The following MRPS9 variants were observed in gnomAD, a reference collection of about 807,000 sequenced individuals.
MRPS9 encodes the protein mitochondrial ribosomal protein S9, also known as small ribosomal subunit protein uS9m.
A neutral mutation model predicts 59.9 loss-of-function variants in MRPS9; 45 were observed. The ratio of observed to expected loss-of-function variants is 0.75; its 90% CI spans 0.59 to 0.96. The LOEUF is 0.96. Among genes scored for constraint, MRPS9 ranks in the 40% least tolerant of loss-of-function variants. The pLI, the probability that MRPS9 is intolerant of heterozygous loss-of-function variation, is 0.00. For synonymous variants in MRPS9, 171 were observed against 166.8 expected (o/e 1.03, Z -0.19); for missense variants, 473 against 481.1 (o/e 0.98, Z 0.16).
chr2:105,039,009 C>T lies in MRPS9; in HGVS notation c.135+782C>T, dbSNP rs183367894. On this transcript the variant is annotated intron_variant, in intron 1 of 10. Coordinates refer to ENST00000258455, the MANE Select transcript of MRPS9 (RefSeq NM_182640.3). ...AGGCCTTGTAAACAAATTAAATTACCTAGGGAGAGTGTACTGAGGAGTAGG... is the reference window on the plus strand; with the variant it reads ...AGGCCTTGTAAACAAATTAAATTACTTAGGGAGAGTGTACTGAGGAGTAGG... 6.1e-4 allele frequency among the ~76,000 whole-genome samples: 93 copies of T among 152,078 alleles called. 1 individual carries two copies. Among genetic ancestry groups the T allele is most frequent in the Middle Eastern group, 3.4e-3 (1 of 294 alleles).
chr2:105,042,876 A>G (rs1679525696), intron 1 of MRPS9, among the ~76,000 whole-genome samples: 1 of 152,244 alleles, frequency 6.6e-6, no homozygotes, highest in Non-Finnish European at 1.5e-5. Context: ...ATATAAAAAT[A>G]GAATAATATA....
chr2:105,058,523 A>G, intron 2 of MRPS9, among the ~76,000 whole-genome samples: 1 of 152,240 alleles, frequency 6.6e-6, no homozygotes, highest in East Asian at 1.9e-4. Context: ...TAAAAATGGA[A>G]GAAACATGTT....
rs371482172 is a variant in MRPS9, at chr2:105,038,274, A to G, written c.135+47A>G. The G allele has an allele frequency of 4.4e-6, 7 of 1,582,542 alleles. No individual in the cohort carries two copies. The African/African-American group carries it at 9.4e-5, about 21-fold the overall frequency. On this transcript the variant is annotated intron_variant, in intron 1 of 10. Coordinates refer to ENST00000258455, the MANE Select transcript of MRPS9 (RefSeq NM_182640.3). ...AGCGGCTTACCTCTGCCGCGCGAGG[A>G]TGTGGAGCCAGCGCGGACACCTTCC...
At chr2:105,060,031 A>C (rs995088697) in intron 2 of MRPS9, among the ~76,000 whole-genome samples, 1 of 151,458 alleles carries the variant, frequency 6.6e-6, no homozygotes, top group Non-Finnish European at 1.5e-5. Flanking sequence ...AAAAAAAAAA[A>C]AAAAAAAAGA....
chr2:105,038,083 C>G lies in MRPS9; in HGVS notation c.-10C>G, dbSNP rs1052058560. 6 of 1,613,322 alleles carry G rather than the reference C, an allele frequency of 3.7e-6. No individual in the cohort carries two copies. In the African/African-American group the frequency reaches 8.0e-5, roughly 22 times the overall value. On this transcript the variant is annotated 5_prime_UTR_variant, in exon 1 of 11. Coordinates refer to ENST00000258455, the MANE Select transcript of MRPS9 (RefSeq NM_182640.3). ...CTCACCCCTCCGGTCCTGGAGCTCC[C>G]ACAGCTAACATGGCGGCGCCCTGTG...
At chr2:105,071,884 A>G (rs1680122407) in intron 4 of MRPS9, among the ~76,000 whole-genome samples, 1 of 152,142 alleles carries the variant, frequency 6.6e-6, no homozygotes, top group Non-Finnish European at 1.5e-5. Context: ...CAATACTTTA[A>G]TGATGTAATT....
chr2:105,062,044 C>A (rs13396298), intron 2 of MRPS9, among the ~76,000 whole-genome samples: 2,187 of 152,240 alleles, frequency 0.014, 36 homozygotes, highest in Middle Eastern at 0.041. Context: ...GTAAGGACCT[C>A]TGAATGAATA....
intron 2 of MRPS9, among the ~76,000 whole-genome samples, chr2:105,059,626 T>G (rs2104447236): frequency 6.6e-6 from 1 of 152,226 alleles, no homozygotes; most frequent in East Asian, 1.9e-4. Context: ...AATAATAATT[T>G]TTCATGAAGG....
chr2:105,057,445 C>A (rs949948902), intron 2 of MRPS9, among the ~76,000 whole-genome samples: 1 of 151,996 alleles, frequency 6.6e-6, no homozygotes, highest in Non-Finnish European at 1.5e-5. Context: ...TCAGTTGGAA[C>A]CTTGAGCTGA....
chr2:105,070,171 A>G (rs1407717094), intron 2 of MRPS9, among the ~76,000 whole-genome samples: 1 of 152,054 alleles, frequency 6.6e-6, no homozygotes, highest in Non-Finnish European at 1.5e-5. Flanking sequence ...CTGCGTGACA[A>G]AGCATGTTGC....
At chr2:105,096,638 A>G (rs1680665556) in intron 9 of MRPS9, among the ~76,000 whole-genome samples, 1 of 152,244 alleles carries the variant, frequency 6.6e-6, no homozygotes, top group South Asian at 2.1e-4. Flanking sequence ...GGTGTCAGGG[A>G]AGTGCAAGGT....
At chr2:105,096,613 T>C (rs114639725) in intron 9 of MRPS9, among the ~76,000 whole-genome samples, 5,337 of 152,214 alleles carry the variant, frequency 0.035, 342 homozygotes, top group African/African-American at 0.12. Context: ...TTAAGAATAT[T>C]GGGAATAGGT....
At chr2:105,078,936 C>T (rs1044666286) in intron 4 of MRPS9, among the ~76,000 whole-genome samples, 2 of 152,036 alleles carry the variant, frequency 1.3e-5, no homozygotes, top group African/African-American at 2.4e-5. Context: ...GACTGGTTCA[C>T]GGGGGTGGGG....
At chr2:105,076,587 T>C (rs1336628405) in intron 4 of MRPS9, among the ~76,000 whole-genome samples, 1 of 152,226 alleles carries the variant, frequency 6.6e-6, no homozygotes, top group African/African-American at 2.4e-5. Flanking sequence ...TAACAGAGTT[T>C]GGTCAAGACT....
At chr2:105,063,928 C>T (rs867042986) in intron 2 of MRPS9, among the ~76,000 whole-genome samples, 1 of 152,002 alleles carries the variant, frequency 6.6e-6, no homozygotes, top group Non-Finnish European at 1.5e-5. Flanking sequence ...CAGACACGAC[C>T]GAGGTAAAAT....
In MRPS9 at chr2:105,077,244, C is replaced by CAAAAAAAA. The variant is rs56216293; in HGVS notation, c.410-2734_410-2727dup. On this transcript the variant is annotated intron_variant, in intron 4 of 10. Transcript: ENST00000258455. Reference sequence around the variant, plus strand: ...TGGGCAATAGAGGGAGACTCCATCTCAAAAAAAAAAAAGAAGAAGAAAAGA... The same window carrying CAAAAAAAA: ...TGGGCAATAGAGGGAGACTCCATCTCAAAAAAAAAAAAAAAAAAAAGAAGAAGAAAAGA... Among the ~76,000 whole-genome samples the CAAAAAAAA allele has an allele frequency of 2.2e-3, 249 of 115,410 alleles. 3 individuals are homozygous for CAAAAAAAA. The highest frequency in any genetic ancestry group is 7.6e-3 in the African/African-American group (234 of 30,720). 75.7% of individuals were successfully genotyped at this position (115,410 alleles called of 152,430 possible).
rs775187513 is a variant in MRPS9, at chr2:105,090,045, A to G, written c.651+50A>G. The G allele has an allele frequency of 2.8e-6, 3 of 1,053,796 alleles. No homozygotes were observed. In the South Asian group the frequency reaches 4.4e-5, roughly 16 times the overall value. The allele number at this position is 1,053,796 out of a possible 1,614,324, so 65.3% of individuals were successfully genotyped here. A position where few individuals can be genotyped will look rare whatever the true frequency, so the allele number is the denominator to read the frequency against. On this transcript the variant is annotated intron_variant, in intron 7 of 10. Coordinates refer to ENST00000258455, the MANE Select transcript of MRPS9 (RefSeq NM_182640.3). ...AAGGGGACCTATGCAATAAGAATACAGACAATTGCTGTATTTAGGATCCTA... is the reference window on the plus strand; with the variant it reads ...AAGGGGACCTATGCAATAAGAATACGGACAATTGCTGTATTTAGGATCCTA...
intron 2 of MRPS9, among the ~76,000 whole-genome samples, chr2:105,052,520 T>G (rs1679731125): frequency 6.6e-6 from 1 of 152,218 alleles, no homozygotes; most frequent in African/African-American, 2.4e-5. Flanking sequence ...TATATGTTTC[T>G]GGATTTGGTT....
At chr2:105,059,404 C>T (rs1679854625) in intron 2 of MRPS9, among the ~76,000 whole-genome samples, 1 of 152,108 alleles carries the variant, frequency 6.6e-6, no homozygotes. Flanking sequence ...AATGTGTTTA[C>T]TAGAGGCACC....
Sources: allele counts gnomAD v4.1 joint callset (sites outside exome capture counted in the v4.1 genomes callset), GRCh38; gene constraint gnomAD v4.1.1; transcripts MANE v1.5; gene names NCBI Gene and HGNC (gene_info 2026-07-23, HGNC 2026-07-21).